NSD3: variants seen among roughly 807,000 people sequenced by gnomAD.
NSD3 encodes nuclear receptor binding SET domain protein 3.
Under a neutral mutation model 160.8 loss-of-function variants are expected in NSD3, and 24 were observed. That is an observed-to-expected ratio of 0.15 (90% CI 0.11 to 0.21). The LOEUF (loss-of-function observed/expected upper bound fraction) is 0.21, where lower values mean the gene tolerates loss of function less well. Ranked by LOEUF, NSD3 falls within the 10% of genes least tolerant of loss-of-function variation. NSD3 has a pLI of 1.00. For synonymous variants in NSD3, 520 were observed against 600.0 expected (o/e 0.87, Z 1.95); for missense variants, 1,157 against 1,735.9 (o/e 0.67, Z 5.93).
intron 12 of NSD3, among the ~76,000 whole-genome samples, chr8:38,306,702 T>TAA (rs1354331641): frequency 1.3e-5 from 2 of 151,940 alleles, no homozygotes; most frequent in African/African-American, 2.4e-5. Flanking sequence ...CAGCCTAATG[T>TAA]AAAAGTGGGC....
chr8:38,377,288 A>G (rs1033226311), intron 1 of NSD3, among the ~76,000 whole-genome samples: 1 of 152,132 alleles, frequency 6.6e-6, no homozygotes, highest in African/African-American at 2.4e-5. Flanking sequence ...TCCTGACCTC[A>G]AGTGATCCTC....
intron 1 of NSD3, among the ~76,000 whole-genome samples, chr8:38,362,324 A>G: frequency 6.9e-6 from 1 of 144,396 alleles, no homozygotes; most frequent in Non-Finnish European, 1.5e-5. Flanking sequence ...TAATACCATT[A>G]AGCAGTATTA....
chr8:38,378,031 G>A (rs951755892), intron 1 of NSD3, among the ~76,000 whole-genome samples: 2 of 152,166 alleles, frequency 1.3e-5, no homozygotes, highest in African/African-American at 4.8e-5. Context: ...AAGTTTTCCA[G>A]AGGGACATAC....
At position 38,299,122 on chromosome 8, in the gene NSD3, G is replaced by A. The variant is rs56322105; in HGVS notation, c.2758+322C>T. 2.8e-4 allele frequency among the ~76,000 whole-genome samples: 43 copies of A among 152,096 alleles called. No homozygotes were observed. The South Asian group carries it at 3.1e-3, about 11-fold the overall frequency. ...AACTTGAATGATAGTTTCACACCAG[G>A]AAAAAGAGAAAGAACATTTAGAATA... On this transcript the variant is annotated intron_variant, in intron 15 of 23. Transcript: ENST00000317025.
chr8:38,289,386 G>C lies in NSD3; in HGVS notation c.3231+7C>G, dbSNP rs1410923106. The stretch of plus-strand genomic sequence containing the variant: ...TTGGCAATCCCAGGCCAGAGATAAA[G>C]ACTTACTTTGATGTGTTTGTAGGGA... On this transcript the variant is annotated splice_region_variant and intron_variant, in intron 18 of 23. Transcript: ENST00000317025. The C allele has an allele frequency of 6.2e-7, 1 of 1,605,784 alleles. No individual in the cohort carries two copies. The highest frequency in any genetic ancestry group is 8.5e-7 in the Non-Finnish European group (1 of 1,176,194).
At chr8:38,378,246 C>T (rs1431849542) in intron 1 of NSD3, among the ~76,000 whole-genome samples, 1 of 152,126 alleles carries the variant, frequency 6.6e-6, no homozygotes, top group Non-Finnish European at 1.5e-5. Context: ...TGGCTCATGC[C>T]TGTAATTCCA....
chr8:38,350,991 A>C lies in NSD3; in HGVS notation c.-44-2776T>G, dbSNP rs1810682079. Among the ~76,000 whole-genome samples, 3 of 123,082 alleles carry C rather than the reference A, an allele frequency of 2.4e-5. No homozygotes were observed. In the Admixed American group the frequency reaches 2.5e-4, roughly 10 times the overall value. The allele number at this position is 123,082 out of a possible 152,430, so 80.7% of individuals were successfully genotyped here. A position where few individuals can be genotyped will look rare whatever the true frequency, so the allele number is the denominator to read the frequency against. Reference sequence around the variant, plus strand: ...GAAAGTTCTTTTTTTTTTTTTTTTGAGATGGAGTCTTGCTCTGTCGCCCAG... The same window carrying C: ...GAAAGTTCTTTTTTTTTTTTTTTTGCGATGGAGTCTTGCTCTGTCGCCCAG... On this transcript the variant is annotated intron_variant, in intron 1 of 23. Coordinates refer to ENST00000317025, the MANE Select transcript of NSD3 (RefSeq NM_023034.2).
chr8:38,288,785 A>C lies in NSD3; in HGVS notation c.3232-29T>G, dbSNP rs1179129189. 1 of 1,604,452 alleles carries C rather than the reference A, an allele frequency of 6.2e-7. No homozygotes were observed. Among genetic ancestry groups the C allele is most frequent in the African/African-American group, 1.3e-5 (1 of 74,784 alleles). On this transcript the variant is annotated intron_variant, in intron 18 of 23. Transcript: ENST00000317025. The surrounding 1 kb of genome is among the most constrained non-coding windows in gnomAD (Gnocchi z 4.5). ...GAAAACAAAATCGCAAGCGAGAGAG[A>C]GGCAGCAGGTAAGTCATCTGGCAAT...
chr8:38,327,522 T>C (rs1181222017), intron 6 of NSD3, among the ~76,000 whole-genome samples: 1 of 152,162 alleles, frequency 6.6e-6, no homozygotes, highest in East Asian at 1.9e-4. Flanking sequence ...GCCCAGCTAA[T>C]TCCAAGATAC....
At chr8:38,333,832 A>G (rs1472425412) in intron 4 of NSD3, among the ~76,000 whole-genome samples, 2 of 152,118 alleles carry the variant, frequency 1.3e-5, no homozygotes, top group Non-Finnish European at 2.9e-5. Context: ...GCGCCACTGC[A>G]GTCCGCAGTC....
At chr8:38,312,781 C>A (rs979051887) in intron 12 of NSD3, among the ~76,000 whole-genome samples, 4 of 152,194 alleles carry the variant, frequency 2.6e-5, no homozygotes, top group African/African-American at 7.2e-5. Context: ...GATACTGGCA[C>A]TATCCTTTCT....
chr8:38,323,821 C>CA (rs397891214), intron 7 of NSD3, among the ~76,000 whole-genome samples: 3,542 of 71,486 alleles, frequency 0.05, 81 homozygotes, highest in African/African-American at 0.08. Context: ...GACCCTGTCT[C>CA]AAAAAAAAAA....
intron 11 of NSD3, 42 bp from the exon 12 acceptor site, chr8:38,314,815 A>T: frequency 6.3e-7 from 1 of 1,595,948 alleles, no homozygotes; most frequent in Non-Finnish European, 8.6e-7. Context: ...ACTTTGGCAA[A>T]CATCAAGACC....
intron 1 of NSD3, among the ~76,000 whole-genome samples, chr8:38,370,946 AT>A (rs1218617320): frequency 2.6e-5 from 4 of 151,948 alleles, no homozygotes; most frequent in South Asian, 2.1e-4. Flanking sequence ...CAGCCATATA[AT>A]TTTTTTTAAT....
In NSD3 at chr8:38,365,177, A is replaced by C. The variant is rs1294727344; in HGVS notation, c.-45+16622T>G. Among the ~76,000 whole-genome samples, 4 of 152,216 alleles carry C rather than the reference A, an allele frequency of 2.6e-5. No homozygotes were observed. In the East Asian group the frequency reaches 7.7e-4, roughly 29 times the overall value. Reference sequence around the variant, plus strand: ...AAACATTTCTATACAAAATTAAACTAACCAGCTTGAATCACCCACACCAAC... The same window carrying C: ...AAACATTTCTATACAAAATTAAACTCACCAGCTTGAATCACCCACACCAAC... On this transcript the variant is annotated intron_variant, in intron 1 of 23. Transcript: ENST00000317025.
chr8:38,278,416 A>C lies in NSD3; in HGVS notation c.3761-4T>G, dbSNP rs528035944. ...TAATTAAATGTTAACTCCATCCCTG[A>C]AACACAGGAGAAATAATTATTCAAA... On this transcript the variant is annotated splice_polypyrimidine_tract_variant and splice_region_variant and intron_variant, in intron 21 of 23. Transcript: ENST00000317025. The C allele has an allele frequency of 1.2e-6, 2 of 1,608,270 alleles. No individual in the cohort carries two copies. Among genetic ancestry groups the C allele is most frequent in the South Asian group, 2.2e-5 (2 of 90,136 alleles).
At chr8:38,302,689 T>C (rs1809304920) in intron 14 of NSD3, among the ~76,000 whole-genome samples, 1 of 152,224 alleles carries the variant, frequency 6.6e-6, no homozygotes. Flanking sequence ...TTGAAAATAC[T>C]ATATTTTGTT....
At chr8:38,332,272 T>C (rs1306695249) in intron 4 of NSD3, among the ~76,000 whole-genome samples, 1 of 152,084 alleles carries the variant, frequency 6.6e-6, no homozygotes, top group African/African-American at 2.4e-5. Flanking sequence ...AATAAATCAA[T>C]AAATATTTTG....
intron 1 of NSD3, among the ~76,000 whole-genome samples, chr8:38,381,177 ATCAT>A (rs1299056239): frequency 2.6e-5 from 4 of 151,994 alleles, no homozygotes; most frequent in African/African-American, 9.7e-5. Flanking sequence ...CATCCCTGTC[ATCAT>A]TCAGTTAATT....
Sources: gnomAD v4.1 joint callset for allele counts (sites outside exome capture counted in the v4.1 genomes callset) on GRCh38, gnomAD v4.1.1 for gene constraint, Gnocchi (gnomAD v3.1) non-coding constraint, MANE v1.5 for transcripts, NCBI Gene and HGNC (gene_info 2026-07-23, HGNC 2026-07-21) for gene names.